Variants in TMEM43 observed in about 807,000 individuals in gnomAD.
TMEM43 encodes the protein arrhythmogenic right ventricular dysplasia 5.
TMEM43 carries 45 observed loss-of-function variants against 49.6 expected under a neutral mutation model. The observed-to-expected ratio is 0.91, with a 90% CI of 0.71 to 1.16. TMEM43 has a LOEUF of 1.16. TMEM43 is among the 50% of genes most tolerant of loss of function. The pLI is 0.00. For missense variants in TMEM43, 532 were observed against 516.6 expected, an observed-to-expected ratio of 1.03 and a Z score of -0.29; for synonymous variants, 199 against 207.8, an observed-to-expected ratio of 0.96 and a Z score of 0.36.
Position 14,130,848 on chromosome 3 carries a change from A to T in TMEM43, c.189A>T (p.Ser63=). ...GCCGCGCATTGAAGACGGCAACCTCATTGGCTGAGGGGCTCTCGCTTGTGG... is the reference window on the plus strand; with the variant it reads ...GCCGCGCATTGAAGACGGCAACCTCTTTGGCTGAGGGGCTCTCGCTTGTGG... The part of the protein sequence containing the change: ...NEGRALKTAT[S]LAEGLSLVVS... Residue 63 remains serine, a synonymous_variant, in exon 3 of 12, where the codon TCA becomes TCT. Transcript: ENST00000306077. The T allele has an allele frequency of 6.2e-7, 1 of 1,613,784 alleles. No homozygotes were observed. Among genetic ancestry groups the T allele is most frequent in the Non-Finnish European group, 8.5e-7 (1 of 1,179,878 alleles).
intron 6 of TMEM43, among the ~76,000 whole-genome samples, 178 bp downstream of exon 6, chr3:14,133,113 C>T (rs1695119623): frequency 6.6e-6 from 1 of 152,194 alleles, no homozygotes; most frequent in Non-Finnish European, 1.5e-5. Flanking sequence ...ACTTGTCTCC[C>T]CTGACCCCAG....
At chr3:14,131,927 G>A (rs190923120) in intron 4 of TMEM43, among the ~76,000 whole-genome samples, 5 of 152,338 alleles carry the variant, frequency 3.3e-5, no homozygotes, top group Non-Finnish European at 5.9e-5. Context: ...AGATGCACAA[G>A]CTTGAAGCAT....
intron 2 of TMEM43, 88 bp from the exon 3 acceptor site, chr3:14,130,734 C>A (rs1695081735): frequency 6.6e-7 from 1 of 1,505,924 alleles, no homozygotes; most frequent in Admixed American, 2.0e-5. Context: ...CTCCCGGAGG[C>A]CCCATCCTAC....
At position 14,135,215 on chromosome 3, in the gene TMEM43, C is replaced by T. The variant is rs761968722; in HGVS notation, c.763C>T (p.Leu255=). 42 of 1,612,366 alleles carry T rather than the reference C, an allele frequency of 2.6e-5. No individual in the cohort carries two copies. Among genetic ancestry groups the T allele is most frequent in the Non-Finnish European group, 3.5e-5 (41 of 1,180,008 alleles). ...YAGLSGDDPD[L]GPAHVVTVIA... is the part of the protein sequence containing the mutation. Reference sequence around the variant, plus strand: ...TGGACTGAGCGGCGATGACCCTGACCTGGGCCCAGCTCACGTGGTAACCTG... The same window carrying T: ...TGGACTGAGCGGCGATGACCCTGACTTGGGCCCAGCTCACGTGGTAACCTG... Residue 255 remains leucine, a synonymous_variant, in exon 9 of 12, where the codon CTG becomes TTG. Coordinates refer to ENST00000306077, the MANE Select transcript of TMEM43 (RefSeq NM_024334.3).
intron 11 of TMEM43, 97 bp downstream of exon 11, chr3:14,139,394 G>A: frequency 2.2e-6 from 2 of 893,602 alleles, no homozygotes; most frequent in South Asian, 2.6e-5. Context: ...TGATGGGATG[G>A]CCCTTGTGCA....
intron 7 of TMEM43, among the ~76,000 whole-genome samples, chr3:14,134,206 A>G (rs1695137547): frequency 6.6e-6 from 1 of 152,236 alleles, no homozygotes; most frequent in East Asian, 1.9e-4. Context: ...CACCTGTCCC[A>G]GGAAGGCACT....
intron 4 of TMEM43, 96 bp from the exon 5 acceptor site, chr3:14,132,450 T>C: frequency 7.6e-7 from 1 of 1,307,432 alleles, no homozygotes; most frequent in Non-Finnish European, 1.1e-6. Flanking sequence ...GAGTCTGATC[T>C]GGTAGCCCTG....
intron 1 of TMEM43, 127 bp downstream of exon 1, chr3:14,125,332 C>G (rs948213282): frequency 8.5e-6 from 10 of 1,182,258 alleles, no homozygotes; most frequent in African/African-American, 6.0e-5. Context: ...GCATCTCCCT[C>G]TGCTCGCCGT....
rs1297539820 is a variant in TMEM43 at position 14,143,525 on chromosome 3, G to A, written c.*1730G>A. On this transcript the variant is annotated 3_prime_UTR_variant, in exon 12 of 12. Coordinates refer to ENST00000306077, the MANE Select transcript of TMEM43 (RefSeq NM_024334.3). The stretch of plus-strand genomic sequence containing the variant: ...CTAAATGCAAAATCCTTGGGCTTTG[G>A]TTTTTTTCTAGTAAGGATTTTAAAT... The A allele has an allele frequency of 1.3e-5, 2 of 152,112 alleles. No individual in the cohort carries two copies. The highest frequency in any genetic ancestry group is 6.5e-5 in the Admixed American group (1 of 15,276). 9.4% of individuals were successfully genotyped at this position (152,112 alleles called of 1,614,324 possible).
Position 14,141,911 on chromosome 3 carries a change from C to T in TMEM43, c.*116C>T, listed in dbSNP as rs979984018. 94 of 967,598 alleles carry T rather than the reference C, an allele frequency of 9.7e-5. No individual in the cohort carries two copies. The highest frequency in any genetic ancestry group is 2.7e-5 in the Non-Finnish European group (18 of 656,250). The allele number at this position is 967,598 out of a possible 1,614,324, so 59.9% of individuals were successfully genotyped here. A position where few individuals can be genotyped will look rare whatever the true frequency, so the allele number is the denominator to read the frequency against. On this transcript the variant is annotated 3_prime_UTR_variant, in exon 12 of 12. Coordinates refer to ENST00000306077, the MANE Select transcript of TMEM43 (RefSeq NM_024334.3). ...CCCGGTCAATTTTGGACTCTGCACT[C>T]CCTCTCCTCTTCAGGGGCCAGACTT...
chr3:14,126,341 A>G (rs1192720012), intron 1 of TMEM43, among the ~76,000 whole-genome samples: 1 of 151,804 alleles, frequency 6.6e-6, no homozygotes, highest in Non-Finnish European at 1.5e-5. Flanking sequence ...TAGTATGTGG[A>G]CTCTTTGTCT....
At chr3:14,136,863 T>G (rs763967113) in intron 10 of TMEM43, among the ~76,000 whole-genome samples, 10 of 149,118 alleles carry the variant, frequency 6.7e-5, no homozygotes, top group Non-Finnish European at 1.5e-4. Flanking sequence ...ATGTGCTGAT[T>G]AGTTCAGTTC....
chr3:14,125,391 A>G (rs1574934888), intron 1 of TMEM43, among the ~76,000 whole-genome samples, 186 bp downstream of exon 1: 1 of 152,082 alleles, frequency 6.6e-6, no homozygotes, highest in African/African-American at 2.4e-5. Flanking sequence ...CGGCCTGTCC[A>G]GGCTTCTTTT....
At chr3:14,136,679 C>T (rs370550920) in intron 10 of TMEM43, among the ~76,000 whole-genome samples, 1 of 149,998 alleles carries the variant, frequency 6.7e-6, no homozygotes, top group Non-Finnish European at 1.5e-5. Flanking sequence ...GCTGTGGCCA[C>T]AGCCCAGAGC....
intron 9 of TMEM43, 104 bp from the exon 10 acceptor site, chr3:14,135,703 C>A: frequency 2.2e-6 from 2 of 907,530 alleles, no homozygotes; most frequent in African/African-American, 1.6e-5. Flanking sequence ...TTTCTGTGCT[C>A]ACTTCCCCAG....
At chr3:14,132,748 A>G (rs1695113859) in intron 5 of TMEM43, 118 bp from the exon 6 acceptor site, 6 of 1,372,816 alleles carry the variant, frequency 4.4e-6, no homozygotes, top group Non-Finnish European at 6.2e-6. Context: ...TTTCCCACCC[A>G]TCCATTGAGG....
Position 14,135,890 on chromosome 3 carries a change from C to T in TMEM43, c.864C>T (p.His288=), listed in dbSNP as rs377585035. The T allele has an allele frequency of 5.1e-5, 83 of 1,614,048 alleles. No individual in the cohort carries two copies. Among genetic ancestry groups the T allele is most frequent in the African/African-American group, 4.0e-4 (30 of 74,952 alleles). Residue 288 remains histidine (H), a synonymous_variant, in exon 10 of 12, where the codon CAC becomes CAT. Coordinates refer to ENST00000306077, the MANE Select transcript of TMEM43 (RefSeq NM_024334.3). ...KSGDTLLLLH[H]GDFSAEEVFH... is the part of the protein sequence containing the mutation. ...GGGATACCTTACTGCTCCTGCACCA[C>T]GGGGACTTCTCAGCAGAGGTGAGTG...
chr3:14,130,715 G>A, intron 2 of TMEM43, 107 bp from the exon 3 acceptor site: 1 of 1,430,776 alleles, frequency 7.0e-7, no homozygotes, highest in Non-Finnish European at 9.5e-7. Flanking sequence ...GGGGAGATGG[G>A]TCTCAGCGCT....
chr3:14,129,409 C>CA lies in TMEM43; in HGVS notation c.13-2dup. 6.3e-7 allele frequency: 1 copy of CA among 1,599,374 alleles called. No homozygotes were observed. The highest frequency in any genetic ancestry group is 2.3e-5 in the East Asian group (1 of 44,122). On this transcript the variant is annotated splice_polypyrimidine_tract_variant and splice_region_variant and intron_variant, in intron 1 of 11. Transcript: ENST00000306077. ...CATTCTGTTACTGTTTCTTTTTCTT[C>CA]AGTATTCCAGTACCAGTACCCGGAG...
Sources: gnomAD v4.1 joint callset for allele counts (sites outside exome capture counted in the v4.1 genomes callset) on GRCh38, gnomAD v4.1.1 for gene constraint, MANE v1.5 for transcripts, NCBI Gene and HGNC (gene_info 2026-07-23, HGNC 2026-07-21) for gene names.